Variants in P2RY6 observed in about 807,000 individuals in gnomAD.
The protein encoded by P2RY6 is pyrimidinergic receptor P2Y6.
In P2RY6, 19 loss-of-function variants were observed where a neutral mutation model predicts 16.3. That is an observed-to-expected ratio of 1.16 (90% CI 0.81 to 1.71). P2RY6 has a LOEUF of 1.71. P2RY6 is among the 40% of genes most tolerant of loss of function. The pLI, the probability that P2RY6 is intolerant of heterozygous loss-of-function variation, is 0.00. For synonymous variants in P2RY6, 184 were observed against 201.5 expected (o/e 0.91, Z 0.74); for missense variants, 389 against 455.5 (o/e 0.85, Z 1.33).
chr11:73,281,383 G>C (rs909782139), intron 1 of P2RY6, among the ~76,000 whole-genome samples: 1 of 152,204 alleles, frequency 6.6e-6, no homozygotes, highest in Non-Finnish European at 1.5e-5. Context: ...CAGACTAGCT[G>C]AGCTGTGCTG....
chr11:73,288,029 C>T (rs1291876795), intron 1 of P2RY6, among the ~76,000 whole-genome samples: 4 of 152,234 alleles, frequency 2.6e-5, no homozygotes, highest in Non-Finnish European at 5.9e-5. Flanking sequence ...CGCGTGGTCT[C>T]TAACCCTCTT....
upstream of P2RY6, chr11:73,271,928 A>G (rs1863329322): frequency 6.6e-6 from 1 of 152,156 alleles, no homozygotes; most frequent in African/African-American, 2.4e-5. Flanking sequence ...CACTGCTGAG[A>G]AAACCAGGTT....
chr11:73,274,266 A>G (rs1050917358), intron 1 of P2RY6, among the ~76,000 whole-genome samples: 2 of 152,210 alleles, frequency 1.3e-5, no homozygotes, highest in Non-Finnish European at 2.9e-5. Context: ...TGGCTTACCT[A>G]GTAGGTGTGT....
At chr11:73,264,875 T>G (rs1591654436) in intron 1 of P2RY6, among the ~76,000 whole-genome samples, 1 of 151,622 alleles carries the variant, frequency 6.6e-6, no homozygotes, top group Non-Finnish European at 1.5e-5. Flanking sequence ...GAAATTACTG[T>G]GAGCAATGGG....
At chr11:73,296,416 C>A in intron 2 of P2RY6, 69 bp from the exon 3 acceptor site, 2 of 1,421,910 alleles carry the variant, frequency 1.4e-6, no homozygotes, top group Non-Finnish European at 1.9e-6. Context: ...GATCAAGGCC[C>A]GAGGAGGGGC....
At chr11:73,288,700 G>A (rs1462890650) in intron 1 of P2RY6, among the ~76,000 whole-genome samples, 2 of 152,228 alleles carry the variant, frequency 1.3e-5, no homozygotes, top group Non-Finnish European at 2.9e-5. Flanking sequence ...TTGATGACTG[G>A]GGCACAGAGG....
At chr11:73,289,981 C>A (rs893998311) in intron 1 of P2RY6, among the ~76,000 whole-genome samples, 3 of 152,036 alleles carry the variant, frequency 2.0e-5, no homozygotes, top group Non-Finnish European at 4.4e-5. Context: ...CAGCACTTCG[C>A]GAGGCCGAGG....
intron 1 of P2RY6, among the ~76,000 whole-genome samples, chr11:73,283,214 A>G (rs1269538700): frequency 3.3e-5 from 5 of 152,226 alleles, no homozygotes; most frequent in African/African-American, 1.2e-4. Flanking sequence ...CACATTTTGT[A>G]TCCCCAGGGG....
chr11:73,292,966 CGGGGGGT>C, intron 1 of P2RY6: 2 of 18,226 alleles, frequency 1.1e-4, no homozygotes, highest in East Asian at 6.1e-3. Flanking sequence ...GCAGGGGTTG[CGGGGGGT>C]GGGGGGGGGA....
In P2RY6 at chr11:73,297,455, C is replaced by T; in HGVS notation, c.937C>T (p.His313Tyr). 6.2e-7 allele frequency: 1 copy of T among 1,612,478 alleles called. No homozygotes were observed. Among genetic ancestry groups the T allele is most frequent in the African/African-American group, 1.3e-5 (1 of 75,046 alleles). Reference sequence around the variant, plus strand: ...CCAGAAGAAGTTCCGCCGGCGACCACATGAGCTCCTACAGAAACTCACAGC... The same window carrying T: ...CCAGAAGAAGTTCCGCCGGCGACCATATGAGCTCCTACAGAAACTCACAGC... ...FTQKKFRRRP[H>Y]ELLQKLTAKW... Residue 313 changes from histidine to tyrosine, a missense_variant, in exon 3 of 3, where the codon CAT becomes TAT. Physicochemically the swap from His to Tyr is moderately conservative, Grantham distance 83 (BLOSUM62 2). Coordinates refer to ENST00000540124, the MANE Select transcript of P2RY6 (RefSeq NM_001277204.2).
At chr11:73,281,021 C>T (rs943978244) in intron 1 of P2RY6, among the ~76,000 whole-genome samples, 2 of 151,954 alleles carry the variant, frequency 1.3e-5, no homozygotes, top group African/African-American at 2.4e-5. Context: ...GGGGAGGGGC[C>T]GTGGGGTGAG....
chr11:73,274,138 CAGG>C (rs1370151211), intron 1 of P2RY6, among the ~76,000 whole-genome samples: 2 of 152,158 alleles, frequency 1.3e-5, no homozygotes, highest in Non-Finnish European at 2.9e-5. Context: ...TCCCATTTTA[CAGG>C]AGAAGAAATG....
At chr11:73,284,481 T>A (rs1340121936) in intron 1 of P2RY6, among the ~76,000 whole-genome samples, 1 of 152,134 alleles carries the variant, frequency 6.6e-6, no homozygotes, top group East Asian at 1.9e-4. Flanking sequence ...GCAGGCTGCC[T>A]AGCCCTGCCA....
chr11:73,287,195 C>T (rs1322567879), intron 1 of P2RY6, among the ~76,000 whole-genome samples: 3 of 152,226 alleles, frequency 2.0e-5, no homozygotes, highest in Admixed American at 1.3e-4. Context: ...CTCCGTCGCC[C>T]AGGACAATGC....
At position 73,296,553 on chromosome 11, in the gene P2RY6, G is replaced by T. The variant is rs1168668671; in HGVS notation, c.35G>T (p.Gly12Val). The T allele has an allele frequency of 3.1e-6, 5 of 1,614,052 alleles. No individual in the cohort carries two copies. The highest frequency in any genetic ancestry group is 4.2e-6 in the Non-Finnish European group (5 of 1,180,030). The change falls in exon 3 of 3, where the codon GGC becomes GTC. Residue 12 changes from glycine to valine, a missense_variant. Coordinates refer to ENST00000540124, the MANE Select transcript of P2RY6 (RefSeq NM_001277204.2). ...GACAATGGCACAGGCCAGGCTCTGG[G>T]CTTGCCACCCACCACCTGTGTCTAC... ...EWDNGTGQAL[G>V]LPPTTCVYRE...
upstream of P2RY6, among the ~76,000 whole-genome samples, chr11:73,271,220 T>C (rs1863292226): frequency 6.6e-6 from 1 of 152,052 alleles, no homozygotes; most frequent in African/African-American, 2.4e-5. Flanking sequence ...AAGCCCAAGC[T>C]CAAGGATGGA....
chr11:73,265,728 G>T (rs911751643), intron 1 of P2RY6, among the ~76,000 whole-genome samples: 1 of 152,296 alleles, frequency 6.6e-6, no homozygotes, highest in Non-Finnish European at 1.5e-5. Context: ...TGGGGACCAC[G>T]AAGAAGGGGG....
intron 1 of P2RY6, among the ~76,000 whole-genome samples, chr11:73,279,824 C>G (rs555664967): frequency 6.6e-6 from 1 of 152,134 alleles, no homozygotes; most frequent in Non-Finnish European, 1.5e-5. Context: ...CTGAATGGGG[C>G]GAGAGTCTCC....
At chr11:73,277,195 C>A (rs924146073) in intron 1 of P2RY6, among the ~76,000 whole-genome samples, 3 of 151,826 alleles carry the variant, frequency 2.0e-5, no homozygotes, top group Non-Finnish European at 4.4e-5. Context: ...CTCACTGCAA[C>A]CTCTGCCTCC....
Sources: gnomAD v4.1 joint callset for allele counts (sites outside exome capture counted in the v4.1 genomes callset) on GRCh38, gnomAD v4.1.1 for gene constraint, MANE v1.5 for transcripts, NCBI Gene and HGNC (gene_info 2026-07-23, HGNC 2026-07-21) for gene names.